The following ABTB3 variants were observed in gnomAD, a reference collection of about 807,000 sequenced individuals.
ABTB3 encodes the protein ankyrin repeat- and BTB/POZ domain-containing protein 3.
chr12:107,545,382 T>C, the ABTB3 span, among the ~76,000 whole-genome samples: 1 of 152,060 alleles, frequency 6.6e-6, no homozygotes, highest in South Asian at 2.1e-4. Flanking sequence ...TAGCTGGGAC[T>C]ACAGTCATGC....
chr12:107,404,522 G>C, the ABTB3 span, among the ~76,000 whole-genome samples: 1 of 152,140 alleles, frequency 6.6e-6, no homozygotes, highest in Admixed American at 6.5e-5. Context: ...ATGCATACTA[G>C]AGATGGGTGT....
At chr12:107,469,508 G>T in the ABTB3 span, among the ~76,000 whole-genome samples, 1 of 152,216 alleles carries the variant, frequency 6.6e-6, no homozygotes, top group African/African-American at 2.4e-5. Context: ...GAGTAAGTTA[G>T]GTGATGCATG....
the ABTB3 span, among the ~76,000 whole-genome samples, chr12:107,538,309 C>G: frequency 6.6e-6 from 1 of 152,210 alleles, no homozygotes; most frequent in Non-Finnish European, 1.5e-5. Context: ...TTCTCTGTGC[C>G]TCACTTTCCT....
chr12:107,531,330 T>G, the ABTB3 span, among the ~76,000 whole-genome samples: 1 of 152,210 alleles, frequency 6.6e-6, no homozygotes, highest in East Asian at 1.9e-4. Context: ...AATACATACC[T>G]TATAGAGCAC....
chr12:107,330,997 A>C, the ABTB3 span, among the ~76,000 whole-genome samples: 27,176 of 152,076 alleles, frequency 0.18, 2,768 homozygotes, highest in East Asian at 0.31. Context: ...GTGAAATCTT[A>C]AAGTACAGTG....
At chr12:107,421,962 C>T in the ABTB3 span, among the ~76,000 whole-genome samples, 1 of 152,032 alleles carries the variant, frequency 6.6e-6, no homozygotes. Flanking sequence ...GAGACAGAGT[C>T]CTTGGCCTGA....
At chr12:107,373,047 C>G in the ABTB3 span, among the ~76,000 whole-genome samples, 2 of 152,186 alleles carry the variant, frequency 1.3e-5, no homozygotes, top group South Asian at 4.1e-4. Flanking sequence ...GCCAGTAACA[C>G]CCCCTCTCCT....
At chr12:107,445,088 C>G in the ABTB3 span, among the ~76,000 whole-genome samples, 2 of 152,320 alleles carry the variant, frequency 1.3e-5, no homozygotes, top group African/African-American at 4.8e-5. Context: ...CTTAAATTAG[C>G]TCCGCTGCTG....
the ABTB3 span, among the ~76,000 whole-genome samples, chr12:107,397,169 T>C: frequency 6.6e-6 from 1 of 152,354 alleles, no homozygotes; most frequent in East Asian, 1.9e-4. Context: ...CGTGAACGTT[T>C]GCAGCTTGAC....
chr12:107,521,269 G>GTA, the ABTB3 span, among the ~76,000 whole-genome samples: 7 of 79,588 alleles, frequency 8.8e-5, no homozygotes, highest in Non-Finnish European at 1.7e-4. Context: ...TAAGTTGTGT[G>GTA]TGTGTGTGTG....
chr12:107,635,090 C>G, the ABTB3 span: 26 of 457,830 alleles, frequency 5.7e-5, no homozygotes, highest in Non-Finnish European at 8.8e-5. Context: ...TAGAAATAGA[C>G]AGTGGACAAA....
the ABTB3 span, among the ~76,000 whole-genome samples, chr12:107,518,757 A>C: frequency 1.3e-5 from 2 of 152,178 alleles, no homozygotes; most frequent in Non-Finnish European, 2.9e-5. Flanking sequence ...ATAATAATAA[A>C]AAATAAATAA....
At chr12:107,464,837 A>G in the ABTB3 span, among the ~76,000 whole-genome samples, 1 of 152,260 alleles carries the variant, frequency 6.6e-6, no homozygotes, top group Admixed American at 6.5e-5. Flanking sequence ...AATGTCTGCA[A>G]ACATTTCTGG....
chr12:107,328,216 G>C, the ABTB3 span, among the ~76,000 whole-genome samples: 10 of 152,320 alleles, frequency 6.6e-5, no homozygotes, highest in African/African-American at 2.2e-4. Context: ...TTAAGAAGTT[G>C]AGGAACAGAA....
the ABTB3 span, among the ~76,000 whole-genome samples, chr12:107,385,404 GCTGA>G: frequency 6.6e-6 from 1 of 152,158 alleles, no homozygotes; most frequent in Non-Finnish European, 1.5e-5. Flanking sequence ...GTGACAAACT[GCTGA>G]CTTACACACA....
chr12:107,558,939 AC>A, the ABTB3 span, among the ~76,000 whole-genome samples: 53,855 of 151,696 alleles, frequency 0.36, 9,755 homozygotes, highest in Non-Finnish European at 0.38. Context: ...CCTCTTGCCC[AC>A]CCCCCGTGGG....
the ABTB3 span, among the ~76,000 whole-genome samples, chr12:107,467,703 C>T: frequency 1.3e-5 from 2 of 152,290 alleles, no homozygotes; most frequent in East Asian, 1.9e-4. Context: ...TCCAGAGAAA[C>T]CAGCTTCTTG....
the ABTB3 span, among the ~76,000 whole-genome samples, chr12:107,646,673 A>G: frequency 6.6e-6 from 1 of 152,206 alleles, no homozygotes; most frequent in Non-Finnish European, 1.5e-5. Context: ...AAACACAGAC[A>G]GGCGAGGATT....
the ABTB3 span, among the ~76,000 whole-genome samples, chr12:107,578,444 C>T: frequency 8.0e-6 from 1 of 125,036 alleles, no homozygotes; most frequent in African/African-American, 3.2e-5. Context: ...CAGGCATTGG[C>T]CGTGTGCCCT....
Sources: allele counts gnomAD v4.1 joint callset (sites outside exome capture counted in the v4.1 genomes callset), GRCh38; gene constraint gnomAD v4.1.1; transcripts MANE v1.5; gene names NCBI Gene and HGNC (gene_info 2026-07-23, HGNC 2026-07-21).